SFMBT2: variants seen among roughly 807,000 people sequenced by gnomAD.
SFMBT2 encodes the protein scm-like with four MBT domains protein 2.
A neutral mutation model predicts 110.1 loss-of-function variants in SFMBT2; 38 were observed. The observed-to-expected ratio is 0.35, with a 90% CI of 0.27 to 0.45. The LOEUF is 0.45. Ranked by LOEUF, SFMBT2 falls within the 20% of genes least tolerant of loss-of-function variation. The pLI is 1.00. For synonymous variants in SFMBT2, 425 were observed against 425.4 expected, an observed-to-expected ratio of 1.00 and a Z score of 0.01; for missense variants, 1,011 against 1,094.9, an observed-to-expected ratio of 0.92 and a Z score of 1.08.
chr10:7,212,403 A>G (rs2692826), intron 11 of SFMBT2, among the ~76,000 whole-genome samples: 12,275 of 152,310 alleles, frequency 0.081, 527 homozygotes, highest in South Asian at 0.15. Flanking sequence ...CTGTAAAAAC[A>G]TGGTGCTTTG....
At chr10:7,166,710 T>C (rs1444936180) in intron 20 of SFMBT2, among the ~76,000 whole-genome samples, 3 of 152,166 alleles carry the variant, frequency 2.0e-5, no homozygotes, top group African/African-American at 7.2e-5. Flanking sequence ...ATAGGGGTGC[T>C]GAAAGGGCTT....
chr10:7,339,370 T>C (rs1843820085), intron 4 of SFMBT2, among the ~76,000 whole-genome samples: 1 of 152,246 alleles, frequency 6.6e-6, no homozygotes, highest in Non-Finnish European at 1.5e-5. Context: ...AGGAGTTGGA[T>C]GCTTTGTAAC....
chr10:7,381,282 A>G (rs917690803), intron 2 of SFMBT2, among the ~76,000 whole-genome samples: 2 of 152,106 alleles, frequency 1.3e-5, no homozygotes, highest in Non-Finnish European at 2.9e-5. Flanking sequence ...TATCATCGGC[A>G]TCTACTACGT....
intron 7 of SFMBT2, among the ~76,000 whole-genome samples, chr10:7,274,645 C>T (rs975103755): frequency 1.3e-5 from 2 of 152,164 alleles, no homozygotes; most frequent in Non-Finnish European, 2.9e-5. Context: ...AACCTCTTTC[C>T]TTTATAAATC....
Position 7,270,946 on chromosome 10 carries a change from C to A in SFMBT2, c.870+5946G>T, listed in dbSNP as rs111759149. On this transcript the variant is annotated intron_variant, in intron 7 of 20. Transcript: ENST00000397167. ...CTTTTGAGTCTTAGTATTCATACCT[C>A]TAAAAAAGTGTGCATGTCCATTTAA... Among the ~76,000 whole-genome samples, 1,310 of 152,180 alleles carry A rather than the reference C, an allele frequency of 8.6e-3. 20 individuals carry two copies. Among genetic ancestry groups the A allele is most frequent in the African/African-American group, 0.03 (1,264 of 41,514 alleles).
chr10:7,387,719 C>T (rs544941383), intron 1 of SFMBT2, among the ~76,000 whole-genome samples: 2 of 150,920 alleles, frequency 1.3e-5, no homozygotes, highest in African/African-American at 4.9e-5. Context: ...TCACTTGAGG[C>T]CAGGAGTTTG....
chr10:7,251,530 G>C (rs929588090), intron 7 of SFMBT2, among the ~76,000 whole-genome samples: 2 of 152,178 alleles, frequency 1.3e-5, no homozygotes, highest in Admixed American at 6.5e-5. Context: ...AGCGGGAAAT[G>C]AGTCCCGATC....
In SFMBT2 at chr10:7,177,932, T is replaced by C. The variant is rs75611690; in HGVS notation, c.1809-1767A>G. Among the ~76,000 whole-genome samples the C allele has an allele frequency of 9.4e-3, 1,423 of 151,186 alleles. 22 individuals carry two copies. Among genetic ancestry groups the C allele is most frequent in the African/African-American group, 0.033 (1,348 of 41,200 alleles). On this transcript the variant is annotated intron_variant, in intron 16 of 20. Coordinates refer to ENST00000397167, the MANE Select transcript of SFMBT2 (RefSeq NM_001387889.1). ...GTGTACATGCACAGAGACTAGACCA[T>C]GTGAGGGCAGAGGGAGAAGGTGGCC...
At chr10:7,267,929 T>C (rs541772826) in intron 7 of SFMBT2, among the ~76,000 whole-genome samples, 2 of 152,362 alleles carry the variant, frequency 1.3e-5, no homozygotes, top group Non-Finnish European at 2.9e-5. Flanking sequence ...TCTGTATTCC[T>C]CTAAGGAAAC....
At chr10:7,337,238 T>C (rs1843743596) in intron 4 of SFMBT2, among the ~76,000 whole-genome samples, 1 of 152,208 alleles carries the variant, frequency 6.6e-6, no homozygotes, top group African/African-American at 2.4e-5. Context: ...TCAAAGCCGC[T>C]GCTATTAGGC....
intron 4 of SFMBT2, among the ~76,000 whole-genome samples, chr10:7,298,701 GTGTGCATA>G (rs1286455748): frequency 1.3e-5 from 2 of 152,100 alleles, no homozygotes; most frequent in African/African-American, 4.8e-5. Flanking sequence ...TTGCATATGT[GTGTGCATA>G]TGTGCGTATG....
intron 1 of SFMBT2, among the ~76,000 whole-genome samples, chr10:7,383,951 C>T (rs1290003575): frequency 6.6e-6 from 1 of 152,030 alleles, no homozygotes; most frequent in Non-Finnish European, 1.5e-5. Flanking sequence ...TGGCTCATGC[C>T]TGTAATCCCA....
intron 11 of SFMBT2, among the ~76,000 whole-genome samples, chr10:7,218,181 C>T (rs946715294): frequency 1.3e-5 from 2 of 152,118 alleles, no homozygotes; most frequent in East Asian, 1.9e-4. Context: ...GGCCTATAAT[C>T]GGAATAATCA....
chr10:7,165,744 A>G (rs1342773662), intron 20 of SFMBT2, among the ~76,000 whole-genome samples: 1 of 152,186 alleles, frequency 6.6e-6, no homozygotes, highest in Non-Finnish European at 1.5e-5. Context: ...ACTGTAGAAA[A>G]CTGTCACTAT....
rs1239810892 is a variant in SFMBT2, at chr10:7,162,484, T to A, written c.*1286A>T. On this transcript the variant is annotated 3_prime_UTR_variant, in exon 21 of 21. Transcript: ENST00000397167. ...AAGTGGCTGACTCCAGATTCACTGCTCCTGCTGCATCATGCCTGGTTCATA... is the reference window on the plus strand; with the variant it reads ...AAGTGGCTGACTCCAGATTCACTGCACCTGCTGCATCATGCCTGGTTCATA... 1 of 152,230 alleles carries A rather than the reference T, an allele frequency of 6.6e-6. No homozygotes were observed. The highest frequency in any genetic ancestry group is 6.5e-5 in the Admixed American group (1 of 15,272). The allele number at this position is 152,230 out of a possible 1,614,324, so 9.4% of individuals were successfully genotyped here. A position where few individuals can be genotyped will look rare whatever the true frequency, so the allele number is the denominator to read the frequency against.
chr10:7,300,298 T>A (rs1842522522), intron 4 of SFMBT2, among the ~76,000 whole-genome samples: 1 of 151,702 alleles, frequency 6.6e-6, no homozygotes, highest in African/African-American at 2.4e-5. Flanking sequence ...TTTTTTTTTT[T>A]TAAGAAATAA....
At chr10:7,364,425 A>G (rs1039264425) in intron 4 of SFMBT2, among the ~76,000 whole-genome samples, 1 of 152,134 alleles carries the variant, frequency 6.6e-6, no homozygotes, top group African/African-American at 2.4e-5. Flanking sequence ...GGTGTTTCTG[A>G]GAGTGTGTGT....
chr10:7,243,794 CAATT>C (rs1840518174), intron 8 of SFMBT2, 89 bp from the exon 9 acceptor site: 1 of 687,030 alleles, frequency 1.5e-6, no homozygotes, highest in Non-Finnish European at 2.5e-6. Flanking sequence ...CTTCCAAAGG[CAATT>C]AATATAGTTC....
At chr10:7,344,725 G>A (rs1419425430) in intron 4 of SFMBT2, among the ~76,000 whole-genome samples, 1 of 151,940 alleles carries the variant, frequency 6.6e-6, no homozygotes, top group Non-Finnish European at 1.5e-5. Context: ...CCAGCACTTT[G>A]GGAGGCCAAG....
Sources: allele counts gnomAD v4.1 joint callset (sites outside exome capture counted in the v4.1 genomes callset), GRCh38; gene constraint gnomAD v4.1.1; transcripts MANE v1.5; gene names NCBI Gene and HGNC (gene_info 2026-07-23, HGNC 2026-07-21).